Variants in ZNF107 observed in about 807,000 individuals in gnomAD.
ZNF107 encodes zinc finger protein 107.
A neutral mutation model predicts 12.3 loss-of-function variants in ZNF107; 19 were observed. That is an observed-to-expected ratio of 1.55 (90% CI 1.08 to 2.27). ZNF107 has a LOEUF of 2.27. Among genes scored for constraint, ZNF107 ranks in the 30% most tolerant of loss-of-function variants. The probability of loss-of-function intolerance (pLI) is 0.00; values close to 1 mark genes in which losing one functional copy is unlikely to be tolerated. For missense variants in ZNF107, 958 were observed against 979.9 expected (o/e 0.98, Z 0.30); for synonymous variants, 317 against 330.5 (o/e 0.96, Z 0.44).
chr7:64,698,239 T>C (rs1213796042), intron 3 of ZNF107, among the ~76,000 whole-genome samples: 1 of 152,128 alleles, frequency 6.6e-6, no homozygotes, highest in Non-Finnish European at 1.5e-5. Flanking sequence ...CAATTATTTG[T>C]CCATTTCTAA....
Position 64,709,016 on chromosome 7 carries a change from T to G in ZNF107, c.*360T>G. The G allele has an allele frequency of 4.5e-6, 2 of 441,974 alleles. No individual in the cohort carries two copies. The highest frequency in any genetic ancestry group is 4.4e-6 in the Non-Finnish European group (1 of 227,890). 27.4% of individuals were successfully genotyped at this position (441,974 alleles called of 1,614,324 possible). A position where few individuals can be genotyped will look rare whatever the true frequency, so the allele number is the denominator to read the frequency against. On this transcript the variant is annotated 3_prime_UTR_variant, in exon 4 of 4. Coordinates refer to ENST00000620827, the MANE Select transcript of ZNF107 (RefSeq NM_001282359.2). ...ATCAGTCCTCACACCTTTCTACACA[T>G]AAGATAATTTATACTGGAGAGGAAC... is the stretch of plus-strand genomic sequence containing the variant.
intron 1 of ZNF107, among the ~76,000 whole-genome samples, chr7:64,668,555 G>T (rs1363031161): frequency 6.6e-6 from 1 of 151,902 alleles, no homozygotes; most frequent in Non-Finnish European, 1.5e-5. Flanking sequence ...CACTTATTTT[G>T]ATTTCAGTTT....
intron 3 of ZNF107, among the ~76,000 whole-genome samples, chr7:64,693,850 G>A (rs1257790153): frequency 2.0e-5 from 3 of 152,122 alleles, no homozygotes; most frequent in East Asian, 1.9e-4. Context: ...GTGCAGTGGC[G>A]TGATGTCGGC....
chr7:64,707,595 A>G lies in ZNF107; in HGVS notation c.1498A>G (p.Lys500Glu), dbSNP rs760195259. The change falls in exon 4 of 4, where the codon AAG becomes GAG. Residue 500 changes from lysine (K) to glutamate (E), a missense_variant. Transcript: ENST00000620827. The part of the protein sequence containing the change: ...FNRSSTLTRH[K>E]KIHTGEKPYK... ...TCGATCCTCAACCCTTACTAGACAT[A>G]AGAAAATTCATACTGGAGAGAAACC... 3.0e-5 allele frequency: 49 copies of G among 1,612,844 alleles called. No homozygotes were observed. The highest frequency in any genetic ancestry group is 3.9e-5 in the Non-Finnish European group (46 of 1,179,590).
intron 1 of ZNF107, among the ~76,000 whole-genome samples, chr7:64,688,508 T>C (rs1790005685): frequency 6.6e-6 from 1 of 152,000 alleles, no homozygotes; most frequent in South Asian, 2.1e-4. Flanking sequence ...TCTGCCTGCC[T>C]CGGCCTCCCA....
In ZNF107 at chr7:64,691,236, T is replaced by C; in HGVS notation, c.4-12T>C. ...GCTGCTTGGTAAATGTGTGTGTGTT[T>C]GTGTTTTTCAGGAACCACTGACATT... is the stretch of plus-strand genomic sequence containing the variant. On this transcript the variant is annotated splice_polypyrimidine_tract_variant and intron_variant, in intron 1 of 3. Coordinates refer to ENST00000620827, the MANE Select transcript of ZNF107 (RefSeq NM_001282359.2). The C allele has an allele frequency of 6.8e-7, 1 of 1,472,204 alleles. No individual in the cohort carries two copies. Among genetic ancestry groups the C allele is most frequent in the Non-Finnish European group, 9.0e-7 (1 of 1,110,128 alleles). The allele number at this position is 1,472,204 out of a possible 1,614,324, so 91.2% of individuals were successfully genotyped here. A position where few individuals can be genotyped will look rare whatever the true frequency, so the allele number is the denominator to read the frequency against.
In ZNF107 at chr7:64,709,264, T is replaced by G. The variant is rs1790806602; in HGVS notation, c.*608T>G. ...ACTGATTCTCAACTCTTACTACATGTAAGAGTATTTATACTGGAAAGAAAC... is the reference window on the plus strand; with the variant it reads ...ACTGATTCTCAACTCTTACTACATGGAAGAGTATTTATACTGGAAAGAAAC... On this transcript the variant is annotated 3_prime_UTR_variant, in exon 4 of 4. Transcript: ENST00000620827. 2.7e-6 allele frequency: 1 copy of G among 364,690 alleles called. No homozygotes were observed. The highest frequency in any genetic ancestry group is 2.1e-5 in the African/African-American group (1 of 46,708). 22.6% of individuals were successfully genotyped at this position (364,690 alleles called of 1,614,324 possible).
chr7:64,679,106 A>T, intron 1 of ZNF107: 6 of 636,684 alleles, frequency 9.4e-6, no homozygotes, highest in East Asian at 1.5e-4. Context: ...GCTTTGTGTG[A>T]GCAGTGAGGC....
At position 64,710,472 on chromosome 7, in the gene ZNF107, C is replaced by A. The variant is rs1790848246; in HGVS notation, c.*1816C>A. On this transcript the variant is annotated 3_prime_UTR_variant, in exon 4 of 4. Coordinates refer to ENST00000620827, the MANE Select transcript of ZNF107 (RefSeq NM_001282359.2). ...ATCAGAGAATTCACAGTAGAAATAT[C>A]TAAGGTACTGACACTTCAGACATTG... 6.6e-6 allele frequency: 1 copy of A among 152,056 alleles called. No homozygotes were observed. The highest frequency in any genetic ancestry group is 2.4e-5 in the African/African-American group (1 of 41,400). 9.4% of individuals were successfully genotyped at this position (152,056 alleles called of 1,614,324 possible).
At chr7:64,695,735 G>A (rs2128964382) in intron 3 of ZNF107, among the ~76,000 whole-genome samples, 1 of 152,204 alleles carries the variant, frequency 6.6e-6, no homozygotes, top group South Asian at 2.1e-4. Flanking sequence ...GTTTTAGCTT[G>A]TCTAAGTAGT....
chr7:64,709,721 C>G lies in ZNF107; in HGVS notation c.*1065C>G. The G allele has an allele frequency of 2.2e-6, 1 of 455,766 alleles. No individual in the cohort carries two copies. The highest frequency in any genetic ancestry group is 1.6e-5 in the South Asian group (1 of 64,508). The allele number at this position is 455,766 out of a possible 1,614,324, so 28.2% of individuals were successfully genotyped here. A position where few individuals can be genotyped will look rare whatever the true frequency, so the allele number is the denominator to read the frequency against. On this transcript the variant is annotated 3_prime_UTR_variant, in exon 4 of 4. Transcript: ENST00000620827. The stretch of plus-strand genomic sequence containing the variant: ...TACAAATACAAGGAATGTGGAAAAG[C>G]CATTATTATCTGCTCAGATTTTACT...
At chr7:64,666,946 C>G (rs1260757224) in intron 1 of ZNF107, among the ~76,000 whole-genome samples, 1 of 127,654 alleles carries the variant, frequency 7.8e-6, no homozygotes. Flanking sequence ...GTAATCAGAG[C>G]TTAATTGGCA....
Position 64,709,968 on chromosome 7 carries a change from T to C in ZNF107, c.*1312T>C. 1 of 258,548 alleles carries C rather than the reference T, an allele frequency of 3.9e-6. No individual in the cohort carries two copies. The allele number at this position is 258,548 out of a possible 1,614,324, so 16.0% of individuals were successfully genotyped here. A position where few individuals can be genotyped will look rare whatever the true frequency, so the allele number is the denominator to read the frequency against. The stretch of plus-strand genomic sequence containing the variant: ...AGCAAAACCCCATCTCTATTAAAAA[T>C]TTTACAAAAATTAGCTGCGTGTGGT... On this transcript the variant is annotated 3_prime_UTR_variant, in exon 4 of 4. Transcript: ENST00000620827.
chr7:64,669,961 T>C (rs1205078210), intron 1 of ZNF107, among the ~76,000 whole-genome samples: 2 of 152,094 alleles, frequency 1.3e-5, no homozygotes, highest in Non-Finnish European at 2.9e-5. Flanking sequence ...AGGGAGGTTA[T>C]TAAAGGCCCA....
At chr7:64,695,633 T>A (rs1339530279) in intron 3 of ZNF107, among the ~76,000 whole-genome samples, 1 of 152,218 alleles carries the variant, frequency 6.6e-6, no homozygotes, top group African/African-American at 2.4e-5. Context: ...ACAATCAGAT[T>A]ATATATGTGC....
At position 64,691,967 on chromosome 7, in the gene ZNF107, G is replaced by A. The variant is rs752735928; in HGVS notation, c.226+7G>A. 2 of 1,491,928 alleles carry A rather than the reference G, an allele frequency of 1.3e-6. No individual in the cohort carries two copies. The highest frequency in any genetic ancestry group is 2.6e-5 in the South Asian group (2 of 77,090). 92.4% of individuals were successfully genotyped at this position (1,491,928 alleles called of 1,614,324 possible). On this transcript the variant is annotated splice_region_variant and intron_variant, in intron 3 of 3. Coordinates refer to ENST00000620827, the MANE Select transcript of ZNF107 (RefSeq NM_001282359.2). ...ATGGTAGCCAAACCCCCAGGTAGGT[G>A]AGAGTGAAAGTGAATACAACAGATG...
intron 1 of ZNF107, among the ~76,000 whole-genome samples, chr7:64,675,991 AC>A (rs1275367981): frequency 6.6e-6 from 1 of 152,138 alleles, no homozygotes; most frequent in Non-Finnish European, 1.5e-5. Context: ...AGCTGGGATT[AC>A]AGGCATGCAC....
At position 64,706,570 on chromosome 7, in the gene ZNF107, C is replaced by A; in HGVS notation, c.473C>A (p.Ser158Ter). The A allele has an allele frequency of 6.2e-7, 1 of 1,606,632 alleles. No homozygotes were observed. Among genetic ancestry groups the A allele is most frequent in the South Asian group, 1.1e-5 (1 of 89,458 alleles). Residue 158 changes from serine (S) to a stop codon, truncating the protein, a stop_gained, in exon 4 of 4, where the codon TCA (serine) becomes TAA (stop). Transcript: ENST00000620827. LOFTEE classifies it low-confidence loss of function (END_TRUNC). ...NKYVKVFDKF[S>*]NSNRYKRRHT... The stretch of plus-strand genomic sequence containing the variant: ...TATGTGAAAGTCTTTGATAAATTTT[C>A]AAATTCAAATAGATATAAGAGAAGA...
intron 3 of ZNF107, among the ~76,000 whole-genome samples, chr7:64,696,464 A>G (rs1790292340): frequency 6.6e-6 from 1 of 152,154 alleles, no homozygotes; most frequent in South Asian, 2.1e-4. Flanking sequence ...ACAGTGAGTG[A>G]TAATTGTGCC....
Sources: allele counts gnomAD v4.1 joint callset (sites outside exome capture counted in the v4.1 genomes callset), GRCh38; gene constraint gnomAD v4.1.1; transcripts MANE v1.5; gene names NCBI Gene and HGNC (gene_info 2026-07-23, HGNC 2026-07-21).